SNCAIP: variants seen among roughly 807,000 people sequenced by gnomAD.
The protein encoded by SNCAIP is synphilin-1.
Under a neutral mutation model 86.7 loss-of-function variants are expected in SNCAIP, and 43 were observed. That is an observed-to-expected ratio of 0.50 (90% CI 0.39 to 0.64). SNCAIP has a LOEUF of 0.64. Ranked by LOEUF, SNCAIP falls within the 30% of genes least tolerant of loss-of-function variation. The pLI is 0.00. For synonymous variants in SNCAIP, 417 were observed against 427.2 expected (o/e 0.98, Z 0.29); for missense variants, 981 against 1,103.1 (o/e 0.89, Z 1.57).
chr5:122,461,695 T>A, intron 10 of SNCAIP, among the ~76,000 whole-genome samples: 1 of 151,730 alleles, frequency 6.6e-6, no homozygotes, highest in Admixed American at 6.6e-5. Flanking sequence ...CTTTTTCTTT[T>A]TGAGACAGAG....
chr5:122,343,305 C>G (rs1757957169), intron 1 of SNCAIP, among the ~76,000 whole-genome samples: 1 of 152,150 alleles, frequency 6.6e-6, no homozygotes, highest in Admixed American at 6.5e-5. Flanking sequence ...CCCATCTTTC[C>G]TAATAGTCGT....
At chr5:122,313,388 G>A (rs1206184242) in intron 1 of SNCAIP, among the ~76,000 whole-genome samples, 1 of 152,232 alleles carries the variant, frequency 6.6e-6, no homozygotes, top group East Asian at 1.9e-4. Flanking sequence ...ATGAAATAAG[G>A]GCTGTCTGGG....
chr5:122,333,349 C>G (rs1420839711), intron 1 of SNCAIP, among the ~76,000 whole-genome samples: 3 of 152,144 alleles, frequency 2.0e-5, no homozygotes, highest in African/African-American at 4.8e-5. Flanking sequence ...TATTACGGAA[C>G]CTATTTGTTG....
At chr5:122,336,101 A>G (rs1756392159) in intron 1 of SNCAIP, among the ~76,000 whole-genome samples, 1 of 152,220 alleles carries the variant, frequency 6.6e-6, no homozygotes, top group African/African-American at 2.4e-5. Context: ...TACAGACAAA[A>G]TAAGACCAAA....
intron 8 of SNCAIP, among the ~76,000 whole-genome samples, chr5:122,447,205 G>C (rs556434586): frequency 6.6e-6 from 1 of 152,186 alleles, no homozygotes; most frequent in Non-Finnish European, 1.5e-5. Flanking sequence ...GCAAGGAACA[G>C]CTTCTCCTCA....
intron 3 of SNCAIP, among the ~76,000 whole-genome samples, chr5:122,417,772 A>G (rs904085315): frequency 2.0e-5 from 3 of 151,498 alleles, no homozygotes; most frequent in Admixed American, 1.3e-4. Context: ...TCATTGAAAG[A>G]TTAAGTCATT....
chr5:122,410,487 G>A (rs954592841), intron 3 of SNCAIP, among the ~76,000 whole-genome samples: 1 of 152,156 alleles, frequency 6.6e-6, no homozygotes, highest in East Asian at 1.9e-4. Flanking sequence ...ATGGGGGCAG[G>A]AGGTGAGAGA....
rs112673793 is a variant in SNCAIP at position 122,324,692 on chromosome 5, G to T, written c.-47+12408G>T. On this transcript the variant is annotated intron_variant, in intron 1 of 10. Transcript: ENST00000261368. ...AGGCAAGGTGCTGTCAAACAAGTAG[G>T]CAAAATGCCATGTGATGGAAGGTTT... Among the ~76,000 whole-genome samples, 83 of 152,328 alleles carry T rather than the reference G, an allele frequency of 5.4e-4. 3 individuals are homozygous for T. The highest frequency in any genetic ancestry group is 1.8e-3 in the African/African-American group (76 of 41,584).
intron 1 of SNCAIP, among the ~76,000 whole-genome samples, chr5:122,367,018 G>A (rs1019915395): frequency 2.6e-5 from 4 of 152,184 alleles, no homozygotes; most frequent in African/African-American, 2.4e-5. Context: ...TTGACAGGAT[G>A]ATTGGATGTA....
intron 10 of SNCAIP, chr5:122,451,868 A>C: frequency 2.5e-6 from 1 of 397,264 alleles, no homozygotes; most frequent in Non-Finnish European, 4.6e-6. Context: ...ATTTCCCTAA[A>C]TGGCCTAATC....
At chr5:122,349,713 GTCAAAAGACC>G (rs1759381780) in intron 1 of SNCAIP, among the ~76,000 whole-genome samples, 1 of 152,162 alleles carries the variant, frequency 6.6e-6, no homozygotes, top group Admixed American at 6.6e-5. Context: ...CCTCAGCAAA[GTCAAAAGACC>G]TCATGCTTTC....
intron 6 of SNCAIP, among the ~76,000 whole-genome samples, chr5:122,433,404 T>C (rs1778801446): frequency 6.6e-6 from 1 of 152,140 alleles, no homozygotes; most frequent in Non-Finnish European, 1.5e-5. Flanking sequence ...TCAGATTCTC[T>C]CACTTCAGGG....
chr5:122,447,542 A>G (rs183758857), intron 8 of SNCAIP, among the ~76,000 whole-genome samples: 97 of 152,364 alleles, frequency 6.4e-4, no homozygotes, highest in Non-Finnish European at 1.1e-3. Context: ...GACACATAAT[A>G]AGCCCTTTAA....
In SNCAIP at chr5:122,434,673, C is replaced by T. The variant is rs558710076; in HGVS notation, c.1296+2591C>T. On this transcript the variant is annotated intron_variant, in intron 6 of 10. Coordinates refer to ENST00000261368, the MANE Select transcript of SNCAIP (RefSeq NM_005460.4). ...CCCTTAGGAGATCATTCTTACCCAA[C>T]TGGAAAATATAGAAGCCCATTAGAA... 3.2e-4 allele frequency among the ~76,000 whole-genome samples: 49 copies of T among 152,264 alleles called. 1 individual carries two copies. In the South Asian group the frequency reaches 9.1e-3, roughly 28 times the overall value.
chr5:122,450,081 G>A, intron 9 of SNCAIP, 144 bp downstream of exon 9: 1 of 666,736 alleles, frequency 1.5e-6, no homozygotes, highest in Admixed American at 2.5e-5. Context: ...AGAAATCACA[G>A]TGAAAAAGGC....
intron 5 of SNCAIP, among the ~76,000 whole-genome samples, chr5:122,427,246 T>C (rs1029152875): frequency 6.6e-6 from 1 of 152,192 alleles, no homozygotes; most frequent in Non-Finnish European, 1.5e-5. Context: ...AGAAACTTAG[T>C]GGTTGTTACG....
intron 1 of SNCAIP, chr5:122,321,831 T>C (rs1752998306): frequency 6.6e-6 from 1 of 152,206 alleles, no homozygotes; most frequent in Non-Finnish European, 1.5e-5. Context: ...TCTAGGCTTC[T>C]AACCTAGAAT....
intron 2 of SNCAIP, among the ~76,000 whole-genome samples, chr5:122,392,379 T>A (rs905921585): frequency 2.0e-5 from 3 of 152,100 alleles, no homozygotes; most frequent in African/African-American, 7.2e-5. Context: ...TTTGTCTACG[T>A]GTCTGTCTGT....
chr5:122,398,499 T>C (rs988463505), intron 2 of SNCAIP, among the ~76,000 whole-genome samples: 4 of 152,190 alleles, frequency 2.6e-5, no homozygotes, highest in African/African-American at 9.7e-5. Flanking sequence ...GCTACATGTC[T>C]CTGCTGTCAC....
Sources: gnomAD v4.1 joint callset for allele counts (sites outside exome capture counted in the v4.1 genomes callset) on GRCh38, gnomAD v4.1.1 for gene constraint, MANE v1.5 for transcripts, NCBI Gene and HGNC (gene_info 2026-07-23, HGNC 2026-07-21) for gene names.